The following GDPD5 variants were observed in gnomAD, a reference collection of about 807,000 sequenced individuals.
GDPD5 encodes glycerophosphodiester phosphodiesterase 2.
Under a neutral mutation model 75.1 loss-of-function variants are expected in GDPD5, and 48 were observed. That is an observed-to-expected ratio of 0.64 (90% CI 0.51 to 0.81). The LOEUF is 0.81. Among genes scored for constraint, GDPD5 ranks in the 40% least tolerant of loss-of-function variants. GDPD5 has a pLI of 0.00. For synonymous variants in GDPD5, 336 were observed against 339.0 expected (o/e 0.99, Z 0.10); for missense variants, 706 against 822.6 (o/e 0.86, Z 1.73).
At chr11:75,490,439 C>T (rs1950087826) in intron 1 of GDPD5, 119 bp from the exon 2 acceptor site, 1 of 152,380 alleles carries the variant, frequency 6.6e-6, no homozygotes, top group Admixed American at 6.5e-5. Context: ...GGGTGTGGGG[C>T]CCAGTGATGG....
chr11:75,476,980 G>A (rs1476315008), intron 3 of GDPD5, among the ~76,000 whole-genome samples: 3 of 152,134 alleles, frequency 2.0e-5, no homozygotes, highest in Admixed American at 6.5e-5. Flanking sequence ...AAGCAGGAAG[G>A]AGGAGGAAAG....
intron 3 of GDPD5, among the ~76,000 whole-genome samples, chr11:75,470,174 C>T (rs184570117): frequency 3.3e-5 from 5 of 152,286 alleles, no homozygotes; most frequent in Non-Finnish European, 7.3e-5. Flanking sequence ...GTTGGGAAAC[C>T]TCAAGCCAGA....
At chr11:75,457,305 G>A (rs2135267749) in intron 5 of GDPD5, among the ~76,000 whole-genome samples, 1 of 152,260 alleles carries the variant, frequency 6.6e-6, no homozygotes, top group East Asian at 1.9e-4. Context: ...CTGGGTCCGG[G>A]GCAAACATTC....
intron 1 of GDPD5, among the ~76,000 whole-genome samples, chr11:75,518,770 TG>T (rs920601382): frequency 2.6e-5 from 4 of 152,130 alleles, no homozygotes; most frequent in Non-Finnish European, 5.9e-5. Flanking sequence ...AGACTGCCCC[TG>T]GGGTGAGCTT....
At chr11:75,513,050 G>A (rs1270534956) in intron 1 of GDPD5, among the ~76,000 whole-genome samples, 2 of 152,208 alleles carry the variant, frequency 1.3e-5, no homozygotes, top group Admixed American at 6.5e-5. Flanking sequence ...ACAATGCCAC[G>A]TCTAGACAGC....
intron 2 of GDPD5, among the ~76,000 whole-genome samples, chr11:75,482,970 G>T (rs1949949025): frequency 6.6e-6 from 1 of 152,210 alleles, no homozygotes; most frequent in Non-Finnish European, 1.5e-5. Flanking sequence ...GAAGTGCCCA[G>T]AAGTTCTGCT....
chr11:75,450,029 G>A (rs1369851466), intron 6 of GDPD5, 46 bp from the exon 7 acceptor site: 1 of 1,537,312 alleles, frequency 6.5e-7, no homozygotes, highest in Admixed American at 1.7e-5. Context: ...GCGGGTGGGA[G>A]GGTTCCCAGT....
chr11:75,466,922 A>G (rs1385962394), intron 3 of GDPD5, among the ~76,000 whole-genome samples: 1 of 152,140 alleles, frequency 6.6e-6, no homozygotes, highest in Non-Finnish European at 1.5e-5. Context: ...CTTGGGAGGC[A>G]GCCTGAACAG....
chr11:75,463,731 A>G (rs1262357566), intron 3 of GDPD5, among the ~76,000 whole-genome samples: 1 of 152,136 alleles, frequency 6.6e-6, no homozygotes, highest in Non-Finnish European at 1.5e-5. Flanking sequence ...GCTCCCTGCT[A>G]TGTTTCTAAA....
intron 1 of GDPD5, among the ~76,000 whole-genome samples, chr11:75,500,834 C>T (rs541462360): frequency 3.9e-5 from 6 of 152,288 alleles, no homozygotes; most frequent in South Asian, 2.1e-4. Flanking sequence ...TGCCATCTGA[C>T]GCCAAGCCCA....
In GDPD5 at chr11:75,517,197, A is replaced by C. The variant is rs371622318; in HGVS notation, c.-145+8013T>G. 40 of 152,326 alleles carry C rather than the reference A, an allele frequency of 2.6e-4. 2 individuals carry two copies. The highest frequency in any genetic ancestry group is 8.9e-4 in the African/African-American group (37 of 41,584). 9.4% of individuals were successfully genotyped at this position (152,326 alleles called of 1,614,324 possible). On this transcript the variant is annotated intron_variant, in intron 1 of 16. Coordinates refer to ENST00000336898, the MANE Select transcript of GDPD5 (RefSeq NM_030792.8). ...GGCTGGGGGGCGGTAGCTCACAGCTATAATCCCAGCACTTTGGGAGGCTGA... is the reference window on the plus strand; with the variant it reads ...GGCTGGGGGGCGGTAGCTCACAGCTCTAATCCCAGCACTTTGGGAGGCTGA...
chr11:75,471,568 A>T (rs1421336852), intron 3 of GDPD5, among the ~76,000 whole-genome samples: 1 of 152,192 alleles, frequency 6.6e-6, no homozygotes, highest in Non-Finnish European at 1.5e-5. Context: ...CATGAGCAGA[A>T]GGGCTGAGGG....
intron 1 of GDPD5, among the ~76,000 whole-genome samples, chr11:75,513,819 G>A (rs1338161820): frequency 6.6e-6 from 1 of 152,186 alleles, no homozygotes; most frequent in Admixed American, 6.5e-5. Context: ...TCCTAGACCA[G>A]GAGACCACCT....
chr11:75,515,713 C>T (rs1299745200), intron 1 of GDPD5, among the ~76,000 whole-genome samples: 2 of 152,218 alleles, frequency 1.3e-5, no homozygotes, highest in Non-Finnish European at 2.9e-5. Flanking sequence ...GGGGCCGCTG[C>T]TCTGTGCACC....
intron 1 of GDPD5, among the ~76,000 whole-genome samples, chr11:75,511,058 T>C (rs1303345417): frequency 1.3e-5 from 2 of 152,208 alleles, no homozygotes; most frequent in African/African-American, 4.8e-5. Context: ...GAGACTTAGA[T>C]TGTCTTGGCA....
At chr11:75,489,437 G>A (rs1472720979) in intron 2 of GDPD5, among the ~76,000 whole-genome samples, 1 of 152,192 alleles carries the variant, frequency 6.6e-6, no homozygotes, top group Non-Finnish European at 1.5e-5. Flanking sequence ...GTTTCACCTT[G>A]GTGACCAATG....
chr11:75,464,719 A>G (rs1352538089), intron 3 of GDPD5, among the ~76,000 whole-genome samples: 1 of 152,162 alleles, frequency 6.6e-6, no homozygotes, highest in African/African-American at 2.4e-5. Context: ...CTCAGAGAGT[A>G]GGCCACTTGT....
chr11:75,490,773 C>G (rs764175774), intron 1 of GDPD5: 1 of 152,290 alleles, frequency 6.6e-6, no homozygotes, highest in Non-Finnish European at 1.5e-5. Flanking sequence ...GACGGTAGCC[C>G]GGAGGTGGGA....
intron 3 of GDPD5, among the ~76,000 whole-genome samples, chr11:75,464,472 C>T (rs1367310853): frequency 1.3e-5 from 2 of 152,246 alleles, no homozygotes; most frequent in African/African-American, 2.4e-5. Context: ...CACTAAGGGC[C>T]TGCTCCGTGC....
Sources: allele counts gnomAD v4.1 joint callset (sites outside exome capture counted in the v4.1 genomes callset), GRCh38; gene constraint gnomAD v4.1.1; transcripts MANE v1.5; gene names NCBI Gene and HGNC (gene_info 2026-07-23, HGNC 2026-07-21).